Variants in DHRS4 observed in about 807,000 individuals in gnomAD.
DHRS4 encodes dehydrogenase/reductase 4, also known as dehydrogenase/reductase SDR family member 4.
DHRS4 carries 20 observed loss-of-function variants against 28.4 expected under a neutral mutation model. That is an observed-to-expected ratio of 0.71 (90% CI 0.50 to 1.02). DHRS4 has a LOEUF of 1.02. Ranked by LOEUF, DHRS4 falls within the 50% of genes least tolerant of loss-of-function variation. DHRS4 has a pLI of 0.00. For synonymous variants in DHRS4, 144 were observed against 146.4 expected, an observed-to-expected ratio of 0.98 and a Z score of 0.12; for missense variants, 378 against 367.2, an observed-to-expected ratio of 1.03 and a Z score of -0.24.
At chr14:23,960,426 C>A (rs150275135) in intron 3 of DHRS4, among the ~76,000 whole-genome samples, 2,564 of 151,998 alleles carry the variant, frequency 0.017, 94 homozygotes, top group African/African-American at 0.059. Context: ...AAATGCTGCT[C>A]CTTATTTAAA....
At position 23,964,241 on chromosome 14, in the gene DHRS4, A is replaced by C. The variant is rs1476252612; in HGVS notation, c.409-1521A>C. On this transcript the variant is annotated intron_variant, in intron 3 of 7. Coordinates refer to ENST00000313250, the MANE Select transcript of DHRS4 (RefSeq NM_021004.4). ...TTTGTAAAAAAAAAAAAAAAAAAAAAAAAAAAAAAAAAACACAATATCTGC... is the reference window on the plus strand; with the variant it reads ...TTTGTAAAAAAAAAAAAAAAAAAAACAAAAAAAAAAAAACACAATATCTGC... Among the ~76,000 whole-genome samples the C allele has an allele frequency of 1.1e-3, 154 of 140,740 alleles. 2 individuals carry two copies. Among genetic ancestry groups the C allele is most frequent in the Non-Finnish European group, 1.7e-3 (111 of 66,632 alleles). 92.3% of individuals were successfully genotyped at this position (140,740 alleles called of 152,430 possible). A position where few individuals can be genotyped will look rare whatever the true frequency, so the allele number is the denominator to read the frequency against.
At chr14:23,957,577 G>C (rs1419376570) in intron 2 of DHRS4, among the ~76,000 whole-genome samples, 1 of 147,790 alleles carries the variant, frequency 6.8e-6, no homozygotes, top group Non-Finnish European at 1.5e-5. Context: ...TTTTTCCAGA[G>C]ACAGGGCCTC....
In DHRS4 at chr14:23,959,105, A is replaced by G. The variant is rs571005359; in HGVS notation, c.307-797A>G. Among the ~76,000 whole-genome samples, 11 of 152,276 alleles carry G rather than the reference A, an allele frequency of 7.2e-5. No homozygotes were observed. In the South Asian group the frequency reaches 2.3e-3, roughly 32 times the overall value. On this transcript the variant is annotated intron_variant, in intron 2 of 7. Transcript: ENST00000313250. ...GAACTGGACAGTAAGCACTTGGAGA[A>G]ATGTGGGTGGAACTCAGTGTGAAAG...
At chr14:23,956,598 CCTTTTTT>C (rs1291827338) in intron 2 of DHRS4, among the ~76,000 whole-genome samples, 2 of 127,038 alleles carry the variant, frequency 1.6e-5, no homozygotes, top group African/African-American at 9.0e-5. Flanking sequence ...GCCTCCATAT[CCTTTTTT>C]TTTTTTTTTT....
rs1417424767 is a variant in DHRS4, at chr14:23,959,954, A to G, written c.359A>G (p.Asn120Ser). 6.2e-7 allele frequency: 1 copy of G among 1,603,654 alleles called. No homozygotes were observed. The change falls in exon 3 of 8, where the codon AAC (asparagine) becomes AGC (serine). Residue 120 changes from asparagine (N) to serine (S), a missense_variant. Physicochemically the swap from Asn to Ser is conservative, Grantham distance 46. Coordinates refer to ENST00000313250, the MANE Select transcript of DHRS4 (RefSeq NM_021004.4). The part of the protein sequence containing the change: ...IDILVSNAAV[N>S]PFFGSIMDVT... ...ATCCTAGTCTCCAATGCTGCTGTCA[A>G]CCCTTTCTTTGGAAGCATAATGGAT...
intron 6 of DHRS4, among the ~76,000 whole-genome samples, chr14:23,966,799 C>A: frequency 6.6e-6 from 1 of 152,282 alleles, no homozygotes; most frequent in East Asian, 1.9e-4. Context: ...CCCATCCCTC[C>A]TCTCAGTTAC....
chr14:23,953,927 C>T lies in DHRS4; in HGVS notation c.128+11C>T, dbSNP rs562342536. 10 of 1,572,322 alleles carry T rather than the reference C, an allele frequency of 6.4e-6. No homozygotes were observed. Among genetic ancestry groups the T allele is most frequent in the African/African-American group, 1.4e-5 (1 of 73,384 alleles). ...GGCCTCCACCGACGGGTGAGTGCTC[C>T]GGCCGGAGTTTCTGAGGCCCTGGCT... is the stretch of plus-strand genomic sequence containing the variant. On this transcript the variant is annotated intron_variant, in intron 1 of 7. Coordinates refer to ENST00000313250, the MANE Select transcript of DHRS4 (RefSeq NM_021004.4).
At chr14:23,954,967 C>T in intron 1 of DHRS4, 68 bp from the exon 2 acceptor site, 1 of 1,597,522 alleles carries the variant, frequency 6.3e-7, no homozygotes, top group South Asian at 1.1e-5. Context: ...GTCTTAACTT[C>T]AGAGCTCATA....
At chr14:23,961,750 T>A (rs1367554201) in intron 3 of DHRS4, among the ~76,000 whole-genome samples, 1 of 107,400 alleles carries the variant, frequency 9.3e-6, no homozygotes, top group Non-Finnish European at 1.7e-5. Context: ...TGGCCTCAAC[T>A]GATCCCCACA....
At chr14:23,967,446 C>G (rs943079173) in intron 7 of DHRS4, 180 bp downstream of exon 7, 7 of 1,149,640 alleles carry the variant, frequency 6.1e-6, no homozygotes, top group Non-Finnish European at 9.0e-6. Flanking sequence ...GTCAGCTTCC[C>G]TTTCAAAAGG....
chr14:23,956,605 T>A (rs2033173643), intron 2 of DHRS4, among the ~76,000 whole-genome samples: 1 of 149,308 alleles, frequency 6.7e-6, no homozygotes, highest in Admixed American at 6.6e-5. Flanking sequence ...TATCCTTTTT[T>A]TTTTTTTTTT....
intron 3 of DHRS4, among the ~76,000 whole-genome samples, chr14:23,962,434 G>A (rs1314494306): frequency 4.0e-5 from 6 of 149,984 alleles, no homozygotes; most frequent in Admixed American, 6.7e-5. Flanking sequence ...TCTGAATCCC[G>A]TGTTGTGATT....
At chr14:23,956,317 ATCCT>A (rs1275693796) in intron 2 of DHRS4, among the ~76,000 whole-genome samples, 1,939 of 152,256 alleles carry the variant, frequency 0.013, 48 homozygotes, top group African/African-American at 0.044. Context: ...TAATGTGAAA[ATCCT>A]CCCGGAAAAA....
intron 2 of DHRS4, among the ~76,000 whole-genome samples, chr14:23,955,912 C>G (rs552744429): frequency 6.6e-6 from 1 of 152,246 alleles, no homozygotes; most frequent in African/African-American, 2.4e-5. Flanking sequence ...ACAAAGGAAG[C>G]TCCTCTTCCC....
chr14:23,957,387 G>C (rs1274741714), intron 2 of DHRS4, among the ~76,000 whole-genome samples: 27 of 105,590 alleles, frequency 2.6e-4, no homozygotes, highest in African/African-American at 1.2e-3. Flanking sequence ...TCCTCATCTG[G>C]ACACCACGAA....
intron 2 of DHRS4, among the ~76,000 whole-genome samples, chr14:23,956,593 C>T (rs1415028222): frequency 1.4e-5 from 2 of 146,928 alleles, no homozygotes; most frequent in African/African-American, 5.2e-5. Flanking sequence ...CATGGGCCTC[C>T]ATATCCTTTT....
At chr14:23,967,349 A>C in intron 7 of DHRS4, 83 bp downstream of exon 7, 1 of 1,464,506 alleles carries the variant, frequency 6.8e-7, no homozygotes, top group South Asian at 1.2e-5. Flanking sequence ...CCGCTGTCTC[A>C]GTCCCACAGA....
At chr14:23,959,351 A>G (rs1384645573) in intron 2 of DHRS4, among the ~76,000 whole-genome samples, 1 of 152,210 alleles carries the variant, frequency 6.6e-6, no homozygotes, top group Non-Finnish European at 1.5e-5. Flanking sequence ...TGAGCCCAGG[A>G]GTTCCAGACC....
intron 7 of DHRS4, 132 bp downstream of exon 7, chr14:23,967,398 A>G (rs1322956526): frequency 1.7e-6 from 2 of 1,208,806 alleles, no homozygotes; most frequent in Non-Finnish European, 2.4e-6. Context: ...CAGACCACGA[A>G]TTCATAAACA....
Sources: allele counts gnomAD v4.1 joint callset (sites outside exome capture counted in the v4.1 genomes callset), GRCh38; gene constraint gnomAD v4.1.1; transcripts MANE v1.5; gene names NCBI Gene and HGNC (gene_info 2026-07-23, HGNC 2026-07-21).